Variants in HTT-AS observed in about 807,000 individuals in gnomAD.
HTT-AS encodes HTT antisense RNA (head to head).
chr4:3,066,436 G>C lies in HTT-AS; in HGVS notation n.114-2736C>G, dbSNP rs139429244. 1.8e-3 allele frequency among the ~76,000 whole-genome samples: 280 copies of C among 152,228 alleles called. 2 individuals are homozygous for C. The highest frequency in any genetic ancestry group is 6.8e-3 in the Middle Eastern group (2 of 294). On this transcript the variant is annotated intron_variant and non_coding_transcript_variant, in intron 1 of 2. Transcript: ENST00000664062. ...GTCCACCTCGGCCTCCCAAAGTGCT[G>C]GGATTATAGGCGTGACCCACCGTGC...
chr4:3,064,038 G>A (rs1399901016), intron 1 of HTT-AS, among the ~76,000 whole-genome samples: 3 of 151,970 alleles, frequency 2.0e-5, no homozygotes, highest in Non-Finnish European at 2.9e-5. Context: ...GATCAAGCCA[G>A]AGTTAGAAGC....
At chr4:3,052,104 A>C (rs1300714658) in intron 2 of HTT-AS, among the ~76,000 whole-genome samples, 1 of 152,176 alleles carries the variant, frequency 6.6e-6, no homozygotes, top group Non-Finnish European at 1.5e-5. Flanking sequence ...GGCAATGGAG[A>C]CTGCCCAGTG....
intron 1 of HTT-AS, among the ~76,000 whole-genome samples, chr4:3,074,104 C>G (rs1032674750): frequency 3.7e-4 from 51 of 138,240 alleles, no homozygotes; most frequent in Middle Eastern, 3.6e-3. Flanking sequence ...CACCTCTCAC[C>G]TTCCTGCCCC....
At chr4:3,072,882 C>T (rs1712214629) in intron 1 of HTT-AS, among the ~76,000 whole-genome samples, 1 of 152,224 alleles carries the variant, frequency 6.6e-6, no homozygotes, top group South Asian at 2.1e-4. Flanking sequence ...CCTGCCTTGG[C>T]CTCCCAAAGT....
At chr4:3,066,027 C>T (rs1712044845) in intron 1 of HTT-AS, among the ~76,000 whole-genome samples, 1 of 152,204 alleles carries the variant, frequency 6.6e-6, no homozygotes, top group Non-Finnish European at 1.5e-5. Context: ...TAAATCCAGA[C>T]AAACATAAAC....
chr4:3,061,778 G>T (rs1391009691), intron 2 of HTT-AS, among the ~76,000 whole-genome samples: 5 of 150,566 alleles, frequency 3.3e-5, no homozygotes, highest in African/African-American at 1.2e-4. Flanking sequence ...TCAGGAGATT[G>T]AGACCATCCT....
At chr4:3,066,240 G>C (rs1276834364) in intron 1 of HTT-AS, among the ~76,000 whole-genome samples, 1 of 152,014 alleles carries the variant, frequency 6.6e-6, no homozygotes, top group African/African-American at 2.4e-5. Context: ...TGCGATCTCA[G>C]CTCACTGCAA....
exon 2 of HTT-AS, among the ~76,000 whole-genome samples, chr4:3,062,741 G>T (rs1711958544): frequency 6.6e-6 from 1 of 151,862 alleles, no homozygotes; most frequent in African/African-American, 2.4e-5. Flanking sequence ...ACAGACTCTT[G>T]CGGTTTCCCA....
At chr4:3,053,939 T>A (rs1482006831) in intron 2 of HTT-AS, among the ~76,000 whole-genome samples, 1 of 151,986 alleles carries the variant, frequency 6.6e-6, no homozygotes, top group Non-Finnish European at 1.5e-5. Flanking sequence ...TTTGTATTTT[T>A]AGTAGAGATG....
At chr4:3,057,462 A>G (rs1217031068) in intron 2 of HTT-AS, among the ~76,000 whole-genome samples, 1 of 152,182 alleles carries the variant, frequency 6.6e-6, no homozygotes, top group Non-Finnish European at 1.5e-5. Context: ...AGGGGTCCCA[A>G]TGCTGACCCC....
At chr4:3,058,946 C>T (rs998702002) in intron 2 of HTT-AS, among the ~76,000 whole-genome samples, 5 of 152,100 alleles carry the variant, frequency 3.3e-5, no homozygotes, top group Admixed American at 3.3e-4. Flanking sequence ...TCTCAAACTC[C>T]TGGGCTTAAG....
At chr4:3,063,067 T>C (rs1711975297) in exon 2 of HTT-AS, among the ~76,000 whole-genome samples, 1 of 152,156 alleles carries the variant, frequency 6.6e-6, no homozygotes, top group Admixed American at 6.5e-5. Flanking sequence ...AGACACGACG[T>C]AGCCTTCATG....
intron 1 of HTT-AS, among the ~76,000 whole-genome samples, chr4:3,074,021 G>A (rs1712297741): frequency 2.8e-5 from 2 of 70,682 alleles, no homozygotes; most frequent in Middle Eastern, 0.015. Context: ...GCCCCGCCCC[G>A]TCCATGGCCC....
At chr4:3,049,118 G>C (rs561754316) in exon 3 of HTT-AS, among the ~76,000 whole-genome samples, 2 of 152,290 alleles carry the variant, frequency 1.3e-5, no homozygotes, top group African/African-American at 4.8e-5. Context: ...GCAAGGAACA[G>C]ATACTCAAAG....
intron 2 of HTT-AS, among the ~76,000 whole-genome samples, chr4:3,051,163 T>G (rs1366696789): frequency 1.3e-5 from 2 of 151,590 alleles, no homozygotes; most frequent in African/African-American, 4.8e-5. Context: ...CCTCCCAGGT[T>G]CAAGTAATTC....
At chr4:3,072,252 G>C (rs556632108) in intron 1 of HTT-AS, among the ~76,000 whole-genome samples, 13 of 152,216 alleles carry the variant, frequency 8.5e-5, no homozygotes, top group Admixed American at 2.0e-4. Context: ...TGGCCTGCTG[G>C]ACTGAGAACC....
intron 1 of HTT-AS, among the ~76,000 whole-genome samples, chr4:3,071,942 C>T (rs1356748473): frequency 2.0e-5 from 3 of 152,192 alleles, no homozygotes; most frequent in African/African-American, 4.8e-5. Flanking sequence ...TTAAGCTGCC[C>T]GGTCTGTGGT....
At chr4:3,072,126 C>T (rs1712187091) in intron 1 of HTT-AS, among the ~76,000 whole-genome samples, 1 of 152,238 alleles carries the variant, frequency 6.6e-6, no homozygotes, top group South Asian at 2.1e-4. Flanking sequence ...CCCAGCTTAA[C>T]CAGCTCCACT....
downstream of HTT-AS, among the ~76,000 whole-genome samples, chr4:3,047,260 G>A (rs1034097135): frequency 1.4e-4 from 21 of 152,264 alleles, no homozygotes; most frequent in Admixed American, 3.3e-4. Flanking sequence ...GCAGTGAGCC[G>A]AGATTGCGCC....
Sources: allele counts gnomAD v4.1 joint callset (sites outside exome capture counted in the v4.1 genomes callset), GRCh38; gene constraint gnomAD v4.1.1; transcripts MANE v1.5; gene names NCBI Gene and HGNC (gene_info 2026-07-23, HGNC 2026-07-21).